Variants in TTN observed in about 807,000 individuals in gnomAD.
TTN encodes connectin.
Under a neutral mutation model 3,223.0 loss-of-function variants are expected in TTN, and 1,525 were observed. That is an observed-to-expected ratio of 0.47 (90% CI 0.45 to 0.49). The LOEUF (loss-of-function observed/expected upper bound fraction) is 0.49, where lower values mean the gene tolerates loss of function less well. TTN is among the 20% of genes least tolerant of loss of function. The pLI, the probability that TTN is intolerant of heterozygous loss-of-function variation, is 0.00. For missense variants in TTN, 40,786 were observed against 43,424.0 expected, an observed-to-expected ratio of 0.94 and a Z score of 5.40; for synonymous variants, 14,094 against 15,161.0, an observed-to-expected ratio of 0.93 and a Z score of 5.17.
intron 165 of TTN, 62 bp downstream of exon 165, chr2:178,665,315 C>T (rs1480523574): frequency 7.0e-7 from 1 of 1,438,696 alleles, no homozygotes; most frequent in Non-Finnish European, 9.7e-7. Flanking sequence ...AGGAAGAAAC[C>T]ATAGTTTTAA....
At position 178,553,691 on chromosome 2, in the gene TTN, C is replaced by T. The variant is rs200503016; in HGVS notation, c.89314G>A (p.Glu29772Lys). ...GGSAVTGYVV[E>K]IRQGEEEEWT... ...TCCTCTTCCTCTCCTTGTCTTATCT[C>T]GACAACATACCCAGTAACAGCACTG... The change falls in exon 334 of 363, where the codon GAG becomes AAG. Residue 29772 changes from glutamate (E) to lysine (K), a missense_variant. Coordinates refer to ENST00000589042, the MANE Select transcript of TTN (RefSeq NM_001267550.2). 2.8e-4 allele frequency: 453 copies of T among 1,613,814 alleles called. No homozygotes were observed. The highest frequency in any genetic ancestry group is 4.3e-4 in the African/African-American group (32 of 75,038).
chr2:178,649,410 T>C, intron 212 of TTN, 79 bp from the exon 213 acceptor site: 7 of 1,339,934 alleles, frequency 5.2e-6, no homozygotes, highest in South Asian at 1.7e-5. Flanking sequence ...CCTGTATTTA[T>C]TGGAGCAGCA....
In TTN at chr2:178,731,223, A is replaced by T; in HGVS notation, c.17462-20T>A. ...CAGGTTCTGTAGAAAACAAAGGGAT[A>T]GATGTGGGTTGTGCATTACCCTGCT... On this transcript the variant is annotated intron_variant, in intron 59 of 362. Transcript: ENST00000589042. 6.2e-7 allele frequency: 1 copy of T among 1,611,076 alleles called. No homozygotes were observed. The highest frequency in any genetic ancestry group is 1.1e-5 in the South Asian group (1 of 90,866).
chr2:178,789,252 A>G (rs940339287), intron 13 of TTN, 108 bp downstream of exon 13: 2 of 1,484,220 alleles, frequency 1.3e-6, no homozygotes, highest in Non-Finnish European at 1.9e-6. Context: ...CTCATACATA[A>G]GAAATTCAGA....
At chr2:178,665,170 A>G (rs1351087084) in intron 165 of TTN, among the ~76,000 whole-genome samples, 1 of 152,126 alleles carries the variant, frequency 6.6e-6, no homozygotes, top group East Asian at 1.9e-4. Flanking sequence ...TGTTGAATGA[A>G]TACTTCCAGC....
In TTN at chr2:178,728,746, C is replaced by G. The variant is rs370515485; in HGVS notation, c.19180G>C (p.Val6394Leu). 57 of 1,604,408 alleles carry G rather than the reference C, an allele frequency of 3.6e-5. No homozygotes were observed. The highest frequency in any genetic ancestry group is 3.0e-5 in the Non-Finnish European group (35 of 1,172,192). Residue 6394 changes from valine to leucine, a missense_variant, in exon 66 of 363, where the codon GTT becomes CTT. Physicochemically the swap from Val to Leu is conservative, Grantham distance 32. Transcript: ENST00000589042. ...PAQIVEKAKS[V>L]DVTEKDPMTL... ...ATGGGATCTTTCTCCGTAACATCAA[C>G]TGATTTAGCTTTCTCTACGATTTGA...
In TTN at chr2:178,717,340, A is replaced by C; in HGVS notation, c.25394T>G (p.Val8465Gly). The change falls in exon 88 of 363, where the codon GTA becomes GGA. Residue 8465 changes from valine (V) to glycine (G), a missense_variant. Transcript: ENST00000589042. ...PPFFDLKPVS[V>G]DLALGESGTF... ...ACCACTTTCTCCAAGAGCAAGATCT[A>C]CTGATACAGGCTTTAGATCAAAGAA... is the stretch of plus-strand genomic sequence containing the variant. 1 of 1,613,408 alleles carries C rather than the reference A, an allele frequency of 6.2e-7. No individual in the cohort carries two copies. The highest frequency in any genetic ancestry group is 8.5e-7 in the Non-Finnish European group (1 of 1,179,418).
At position 178,633,239 on chromosome 2, in the gene TTN, G is replaced by C. The variant is rs1228136995; in HGVS notation, c.43034C>G (p.Pro14345Arg). 2 of 1,613,112 alleles carry C rather than the reference G, an allele frequency of 1.2e-6. No individual in the cohort carries two copies. The highest frequency in any genetic ancestry group is 2.7e-5 in the African/African-American group (2 of 74,860). The stretch of plus-strand genomic sequence containing the variant: ...CAGCTTCCACTGGCCGTGAACATCA[G>C]GTTCAGAAAGTTCAATTTCAAAGTG... Reference protein sequence around the residue: ...TAHFEIELSEPDVHGQWKLKG... With the variant: ...TAHFEIELSERDVHGQWKLKG... The change falls in exon 233 of 363, where the codon CCT becomes CGT. Residue 14345 changes from proline to arginine, a missense_variant. By Grantham distance (103) the Pro-to-Arg change is moderately radical. Coordinates refer to ENST00000589042, the MANE Select transcript of TTN (RefSeq NM_001267550.2).
chr2:178,618,218 T>C lies in TTN; in HGVS notation c.47240A>G (p.Asp15747Gly). ...RVGTGEPVETDNPVEARSKYD... is the reference protein window; with the variant it reads ...RVGTGEPVETGNPVEARSKYD... Reference sequence around the variant, plus strand: ...TTTACTCCTTGCTTCTACAGGATTGTCAGTTTCTACTGGCTCACCAGTGCC... The same window carrying C: ...TTTACTCCTTGCTTCTACAGGATTGCCAGTTTCTACTGGCTCACCAGTGCC... Residue 15747 changes from aspartate (D) to glycine (G), a missense_variant, in exon 252 of 363, where the codon GAC (aspartate) becomes GGC (glycine). By Grantham distance (94) the Asp-to-Gly change is moderately conservative. Transcript: ENST00000589042. The C allele has an allele frequency of 6.2e-7, 1 of 1,612,748 alleles. No homozygotes were observed.
At position 178,530,577 on chromosome 2, in the gene TTN, G is replaced by C. The variant is rs1688672739; in HGVS notation, c.106038C>G (p.Ile35346Met). 1 of 1,613,888 alleles carries C rather than the reference G, an allele frequency of 6.2e-7. No homozygotes were observed. The highest frequency in any genetic ancestry group is 1.3e-5 in the African/African-American group (1 of 74,926). ...CTTGATCAGATTCAGTGAGGTTATT[G>C]ATTTTGAGCTCATAGGTACCATCTG... ...YSADGTYELK[I>M]NNLTESDQGE... is the part of the protein sequence containing the mutation. The change falls in exon 358 of 363, where the codon ATC becomes ATG. Residue 35346 changes from isoleucine to methionine, a missense_variant. By Grantham distance (10) the Ile-to-Met change is conservative. Coordinates refer to ENST00000589042, the MANE Select transcript of TTN (RefSeq NM_001267550.2).
At chr2:178,750,673 T>A in intron 47 of TTN, 3 of 1,612,666 alleles carry the variant, frequency 1.9e-6, no homozygotes, top group Non-Finnish European at 2.5e-6. Flanking sequence ...AAGCAGAGAG[T>A]TGTAATTCTC....
chr2:178,592,431 T>C lies in TTN; in HGVS notation c.59574A>G (p.Thr19858=). The C allele has an allele frequency of 1.2e-6, 2 of 1,613,498 alleles. No homozygotes were observed. The highest frequency in any genetic ancestry group is 1.7e-6 in the Non-Finnish European group (2 of 1,179,604). Residue 19858 remains threonine (T), a synonymous_variant, in exon 301 of 363, where the codon ACA becomes ACG. Transcript: ENST00000589042. Reference sequence around the variant, plus strand: ...TTTTTGAACCAGCTGGATTCTCCACTGTTAAAGAATAAATTCCACCATCTT... The same window carrying C: ...TTTTTGAACCAGCTGGATTCTCCACCGTTAAAGAATAAATTCCACCATCTT... ...AHEDGGIYSL[T]VENPAGSKTV... is the part of the protein sequence containing the mutation.
intron 249 of TTN, 33 bp from the exon 250 acceptor site, chr2:178,619,920 G>A (rs2058011989): frequency 6.2e-7 from 1 of 1,600,610 alleles, no homozygotes; most frequent in Non-Finnish European, 8.5e-7. Flanking sequence ...ATACAAATAT[G>A]TTTACATTTT....
rs1357433834 is a variant in TTN, at chr2:178,795,220, G to A, written c.947C>T (p.Ser316Phe). ...SVSPAARIST[S>F]PIRSVRSPLL... ...TGGAGACCTAACAGACCTGATGGGG[G>A]ATGTGGAGATTCTTGCTGCTGGAGA... is the stretch of plus-strand genomic sequence containing the variant. The change falls in exon 7 of 363, where the codon TCC becomes TTC. Residue 316 changes from serine to phenylalanine, a missense_variant. Coordinates refer to ENST00000589042, the MANE Select transcript of TTN (RefSeq NM_001267550.2). 12 of 1,614,014 alleles carry A rather than the reference G, an allele frequency of 7.4e-6. No individual in the cohort carries two copies. Among genetic ancestry groups the A allele is most frequent in the Non-Finnish European group, 1.0e-5 (12 of 1,180,020 alleles).
chr2:178,607,528 T>G lies in TTN; in HGVS notation c.53160A>C (p.Ile17720=). The G allele has an allele frequency of 6.2e-7, 1 of 1,613,288 alleles. No homozygotes were observed. Residue 17720 remains isoleucine, a synonymous_variant, in exon 277 of 363, where the codon ATA becomes ATC. Transcript: ENST00000589042. The stretch of plus-strand genomic sequence containing the variant: ...GTTCAGATTTGGTTCCAACGTTGTC[T>G]ATTACAACACGGTCTTTATCCAGCT... ...EGELDKDRVV[I]DNVGTKSELI... is the part of the protein sequence containing the mutation.
chr2:178,672,612 C>G, intron 153 of TTN, 23 bp downstream of exon 153: 3 of 1,611,298 alleles, frequency 1.9e-6, no homozygotes, highest in Non-Finnish European at 2.5e-6. Flanking sequence ...AAGAGGAAGT[C>G]AGGTTTAAAA....
In TTN at chr2:178,576,636, C is replaced by T. The variant is rs575899662; in HGVS notation, c.69608G>A (p.Gly23203Glu). Residue 23203 changes from glycine (G) to glutamate (E), a missense_variant, in exon 325 of 363, where the codon GGA (glycine) becomes GAA (glutamate). Transcript: ENST00000589042. This position sits in a 1 kb window ranked among gnomAD's most constrained non-coding sequence, Gnocchi z 4.3. Reference sequence around the variant, plus strand: ...TTCGTAGGTGCTTCCTTCTTGCAGTCCTGTTACTTTGCACCTGAGATCGGA... The same window carrying T: ...TTCGTAGGTGCTTCCTTCTTGCAGTTCTGTTACTTTGCACCTGAGATCGGA... Reference protein sequence around the residue: ...PVSDLRCKVTGLQEGSTYEFR... With the variant: ...PVSDLRCKVTELQEGSTYEFR... 5.6e-5 allele frequency: 91 copies of T among 1,613,562 alleles called. No individual in the cohort carries two copies. In the South Asian group the frequency reaches 9.3e-4, roughly 17 times the overall value.
Position 178,726,021 on chromosome 2 carries a change from A to T in TTN, c.20301T>A (p.Pro6767=). 6.5e-7 allele frequency: 1 copy of T among 1,541,624 alleles called. No homozygotes were observed. Among genetic ancestry groups the T allele is most frequent in the Non-Finnish European group, 8.8e-7 (1 of 1,142,240 alleles). The change falls in exon 70 of 363, where the codon CCT becomes CCA. Residue 6767 remains proline (P), a synonymous_variant. Coordinates refer to ENST00000589042, the MANE Select transcript of TTN (RefSeq NM_001267550.2). ...CATTTTTAAGGGTTTCTACTATAGG[A>T]GGGAAGCTGCTAAAAACAGGTGGCT... is the stretch of plus-strand genomic sequence containing the variant. ...VKEPPVFSSF[P]PIVETLKNAE... is the part of the protein sequence containing the mutation.
At position 178,776,749 on chromosome 2, in the gene TTN, G is replaced by A. The variant is rs375828531; in HGVS notation, c.5115C>T (p.Phe1705=). The A allele has an allele frequency of 6.2e-7, 1 of 1,613,930 alleles. No homozygotes were observed. The highest frequency in any genetic ancestry group is 8.5e-7 in the Non-Finnish European group (1 of 1,179,996). ...GTCTTAAGGAAGTGAGTTTTTTCTT[G>A]AAAAATGGTTTCTGTTGTTTCTCTT... ...YDKEKQQKPF[F]KKKLTSLRLK... is the part of the protein sequence containing the mutation. Residue 1705 remains phenylalanine (F), a synonymous_variant, in exon 28 of 363, where the codon TTC becomes TTT. Coordinates refer to ENST00000589042, the MANE Select transcript of TTN (RefSeq NM_001267550.2).
Sources: gnomAD v4.1 joint callset for allele counts (sites outside exome capture counted in the v4.1 genomes callset) on GRCh38, gnomAD v4.1.1 for gene constraint, Gnocchi (gnomAD v3.1) non-coding constraint, MANE v1.5 for transcripts, NCBI Gene and HGNC (gene_info 2026-07-23, HGNC 2026-07-21) for gene names.